Variants in MYO18B observed in about 807,000 individuals in gnomAD.
MYO18B encodes the protein unconventional myosin-XVIIIb.
MYO18B carries 204 observed loss-of-function variants against 273.0 expected under a neutral mutation model. The ratio of observed to expected loss-of-function variants is 0.75; its 90% CI spans 0.67 to 0.84. The LOEUF (loss-of-function observed/expected upper bound fraction) is 0.84. MYO18B is among the 40% of genes least tolerant of loss of function. The probability of loss-of-function intolerance (pLI) is 0.00; values close to 1 mark genes in which losing one functional copy is unlikely to be tolerated. For missense variants in MYO18B, 3,212 were observed against 3,287.6 expected, an observed-to-expected ratio of 0.98 and a Z score of 0.56; for synonymous variants, 1,330 against 1,305.7, an observed-to-expected ratio of 1.02 and a Z score of -0.40.
intron 1 of MYO18B, among the ~76,000 whole-genome samples, chr22:25,758,438 A>AGCTGCTCATCACCT (rs1239783296): frequency 4.6e-5 from 7 of 151,684 alleles, no homozygotes; most frequent in Non-Finnish European, 1.5e-5. Flanking sequence ...GAAACAGTCT[A>AGCTGCTCATCACCT]GCTGCTCATC....
chr22:25,835,262 A>C (rs778597946), intron 16 of MYO18B, 34 bp from the exon 17 acceptor site: 3 of 1,604,490 alleles, frequency 1.9e-6, no homozygotes, highest in Non-Finnish European at 2.6e-6. Context: ...GATGGGTATC[A>C]GGGCCCTTCA....
intron 12 of MYO18B, among the ~76,000 whole-genome samples, chr22:25,821,273 T>C: frequency 6.6e-6 from 1 of 151,814 alleles, no homozygotes; most frequent in East Asian, 1.9e-4. Context: ...TGCACTAGTT[T>C]ACATTCCCAC....
At chr22:25,786,665 A>G (rs2087403626) in intron 11 of MYO18B, among the ~76,000 whole-genome samples, 1 of 152,234 alleles carries the variant, frequency 6.6e-6, no homozygotes, top group Non-Finnish European at 1.5e-5. Context: ...ATCCCAGTCC[A>G]TAAGAGAACA....
the MYO18B span, among the ~76,000 whole-genome samples, chr22:26,042,216 C>T: frequency 2.6e-5 from 4 of 152,336 alleles, no homozygotes; most frequent in South Asian, 8.3e-4. Context: ...TGTAACTCAC[C>T]TGGGACACTT....
chr22:25,820,424 G>C (rs2089232796), intron 12 of MYO18B, among the ~76,000 whole-genome samples: 1 of 152,104 alleles, frequency 6.6e-6, no homozygotes, highest in African/African-American at 2.4e-5. Flanking sequence ...GAAGAATTGG[G>C]CCCTCACAAT....
chr22:25,958,960 C>G (rs1241700899), intron 39 of MYO18B: 1 of 152,242 alleles, frequency 6.6e-6, no homozygotes, highest in African/African-American at 2.4e-5. Flanking sequence ...CACTGTGGGT[C>G]AAGCCCTGTG....
the MYO18B span, among the ~76,000 whole-genome samples, chr22:26,061,280 A>G: frequency 2.6e-5 from 4 of 151,948 alleles, no homozygotes; most frequent in Non-Finnish European, 5.9e-5. Flanking sequence ...CAAATTCCTG[A>G]TTTTAAATCC....
At chr22:25,995,287 G>T (rs1307525845) in intron 40 of MYO18B, among the ~76,000 whole-genome samples, 2 of 152,132 alleles carry the variant, frequency 1.3e-5, no homozygotes, top group African/African-American at 2.4e-5. Flanking sequence ...TGGCTAATGG[G>T]TACAAAAATG....
At chr22:25,929,393 A>G (rs969975) in intron 34 of MYO18B, among the ~76,000 whole-genome samples, 137,346 of 152,132 alleles carry the variant, frequency 0.9, 62,403 homozygotes, top group Middle Eastern at 0.97. Context: ...CACTGGAAAC[A>G]AACTAATCTG....
intron 7 of MYO18B, 40 bp downstream of exon 7, chr22:25,772,550 G>T: frequency 6.3e-7 from 1 of 1,584,876 alleles, no homozygotes; most frequent in Non-Finnish European, 8.6e-7. Context: ...AGGGGCTGAG[G>T]GCAGGGGGGC....
chr22:25,990,920 G>A (rs542267837), intron 39 of MYO18B, among the ~76,000 whole-genome samples: 12 of 151,960 alleles, frequency 7.9e-5, no homozygotes, highest in Non-Finnish European at 1.5e-4. Context: ...AATTAGAGCC[G>A]GTTACAAGAA....
intron 42 of MYO18B, among the ~76,000 whole-genome samples, chr22:26,012,282 C>T (rs956295908): frequency 6.6e-6 from 1 of 152,178 alleles, no homozygotes; most frequent in Non-Finnish European, 1.5e-5. Context: ...TAAAAAACAG[C>T]TCGTTCCCAA....
At position 26,026,463 on chromosome 22, in the gene MYO18B, G is replaced by A; in HGVS notation, c.6489G>A (p.Gly2163=). ...GGCACAGGATAAACGAAGAGGCTGG[G>A]GACACTGAGAGGACCCAGTCGGCAT... The part of the protein sequence containing the change: ...ILSPRINEEA[G]DTERTQSALA... Residue 2163 remains glycine, a synonymous_variant, in exon 43 of 44, where the codon GGG becomes GGA. Transcript: ENST00000335473. 2 of 1,612,386 alleles carry A rather than the reference G, an allele frequency of 1.2e-6. No homozygotes were observed. The highest frequency in any genetic ancestry group is 1.7e-6 in the Non-Finnish European group (2 of 1,178,752).
At chr22:25,924,142 C>T (rs1273664134) in intron 34 of MYO18B, among the ~76,000 whole-genome samples, 2 of 152,194 alleles carry the variant, frequency 1.3e-5, no homozygotes, top group African/African-American at 2.4e-5. Context: ...TCCCAGCGCA[C>T]GTGTCCCAGA....
the MYO18B span, among the ~76,000 whole-genome samples, chr22:26,045,118 A>C: frequency 1.8e-4 from 27 of 151,566 alleles, no homozygotes; most frequent in African/African-American, 6.5e-4. Flanking sequence ...ACAGTATACC[A>C]GTTTTAAGCC....
intron 39 of MYO18B, among the ~76,000 whole-genome samples, chr22:25,975,418 G>A (rs540551486): frequency 1.5e-4 from 23 of 152,220 alleles, no homozygotes; most frequent in Non-Finnish European, 3.2e-4. Context: ...ATCTGAAAGC[G>A]AGGCAGAGGG....
intron 34 of MYO18B, among the ~76,000 whole-genome samples, chr22:25,938,601 AAGTG>A (rs1437980742): frequency 8.3e-4 from 126 of 152,326 alleles, no homozygotes; most frequent in African/African-American, 2.6e-3. Flanking sequence ...AATGAATTTT[AAGTG>A]GCCACGCAGT....
chr22:25,993,166 G>C (rs2146854954), intron 40 of MYO18B, among the ~76,000 whole-genome samples: 1 of 152,174 alleles, frequency 6.6e-6, no homozygotes, highest in South Asian at 2.1e-4. Context: ...GCAGGCCACA[G>C]GTGGACCGCT....
intron 34 of MYO18B, among the ~76,000 whole-genome samples, chr22:25,924,053 CT>C (rs2092386540): frequency 6.6e-6 from 1 of 152,174 alleles, no homozygotes; most frequent in Admixed American, 6.5e-5. Context: ...ACAGCTTTGG[CT>C]TTTCGTTGCT....
Sources: gnomAD v4.1 joint callset for allele counts (sites outside exome capture counted in the v4.1 genomes callset) on GRCh38, gnomAD v4.1.1 for gene constraint, MANE v1.5 for transcripts, NCBI Gene and HGNC (gene_info 2026-07-23, HGNC 2026-07-21) for gene names.